The following ABCA9 variants were observed in gnomAD, a reference collection of about 807,000 sequenced individuals.
The protein encoded by ABCA9 is ATP binding cassette subfamily A member 9.
In ABCA9, 183 loss-of-function variants were observed where a neutral mutation model predicts 205.3. The ratio of observed to expected loss-of-function variants is 0.89; its 90% confidence interval spans 0.79 to 1.01. The LOEUF (loss-of-function observed/expected upper bound fraction) is 1.01, where lower values mean the gene tolerates loss of function less well. Among genes scored for constraint, ABCA9 ranks in the 50% least tolerant of loss-of-function variants. The pLI is 0.00. For missense variants in ABCA9, 1,805 were observed against 1,912.4 expected (o/e 0.94, Z 1.05); for synonymous variants, 651 against 683.3 (o/e 0.95, Z 0.74).
chr17:69,025,454 T>C (rs1359050291), intron 16 of ABCA9, among the ~76,000 whole-genome samples: 1 of 152,072 alleles, frequency 6.6e-6, no homozygotes, highest in African/African-American at 2.4e-5. Flanking sequence ...TTGACAGATA[T>C]CCTCTCTCAA....
chr17:69,035,952 C>A, intron 6 of ABCA9, 151 bp from the exon 7 acceptor site: 1 of 959,100 alleles, frequency 1.0e-6, no homozygotes, highest in Non-Finnish European at 1.5e-6. Context: ...CCCTCAGGAT[C>A]ACATAATATA....
chr17:69,037,921 C>A (rs896518092), intron 6 of ABCA9, among the ~76,000 whole-genome samples: 2 of 152,078 alleles, frequency 1.3e-5, no homozygotes, highest in Admixed American at 1.3e-4. Context: ...AAACTACCAT[C>A]GGAGAATATA....
At position 69,035,741 on chromosome 17, in the gene ABCA9, A is replaced by C; in HGVS notation, c.861T>G (p.Leu287=). 6.2e-7 allele frequency: 1 copy of C among 1,613,720 alleles called. No homozygotes were observed. Among genetic ancestry groups the C allele is most frequent in the Non-Finnish European group, 8.5e-7 (1 of 1,179,822 alleles). Residue 287 remains leucine (L), a synonymous_variant, in exon 7 of 39, where the codon CTT becomes CTG. Transcript: ENST00000340001. ...CGACAATTTGTGCAGATTTTACAATAAGAGCCATTAAAGTGGCCATGATAA... is the reference window on the plus strand; with the variant it reads ...CGACAATTTGTGCAGATTTTACAATCAGAGCCATTAAAGTGGCCATGATAA... ...FILIMATLMA[L]IVKSAQIVVL... is the part of the protein sequence containing the mutation.
chr17:68,990,952 G>T lies in ABCA9; in HGVS notation c.3722C>A (p.Ser1241Tyr). ...TGGAAAAATAGCGTTGCTTCTTGGA[G>T]AAATTCTGAAATCAAAACAGTGTGA... Reference protein sequence around the residue: ...LMRKDPVFRISPRSNAIFPNP... With the variant: ...LMRKDPVFRIYPRSNAIFPNP... Residue 1241 changes from serine to tyrosine, a missense_variant, in exon 29 of 39, where the codon TCT becomes TAT. By Grantham distance (144) the Ser-to-Tyr change is moderately radical. Coordinates refer to ENST00000340001, the MANE Select transcript of ABCA9 (RefSeq NM_080283.4). 6.2e-7 allele frequency: 1 copy of T among 1,607,834 alleles called. No homozygotes were observed. The highest frequency in any genetic ancestry group is 2.2e-5 in the East Asian group (1 of 44,838).
At chr17:68,977,556 G>A (rs1435362274) in intron 37 of ABCA9, among the ~76,000 whole-genome samples, 2 of 152,148 alleles carry the variant, frequency 1.3e-5, no homozygotes, top group South Asian at 2.1e-4. Context: ...CTTCAAATTC[G>A]AAGCAAGTCT....
At chr17:69,043,905 A>T (rs1397699819) in intron 5 of ABCA9, among the ~76,000 whole-genome samples, 190 bp from the exon 6 acceptor site, 1 of 152,198 alleles carries the variant, frequency 6.6e-6, no homozygotes, top group Non-Finnish European at 1.5e-5. Flanking sequence ...GAACATCATC[A>T]ACCTCACTGG....
intron 37 of ABCA9, among the ~76,000 whole-genome samples, chr17:68,977,713 C>T (rs1221307904): frequency 6.6e-6 from 1 of 152,088 alleles, no homozygotes; most frequent in Non-Finnish European, 1.5e-5. Flanking sequence ...CGTGCCTAGC[C>T]CATTCAATAA....
intron 29 of ABCA9, 90 bp from the exon 30 acceptor site, chr17:68,990,020 A>C: frequency 1.1e-6 from 1 of 922,580 alleles, no homozygotes; most frequent in Non-Finnish European, 1.7e-6. Flanking sequence ...CTTTCCTTAT[A>C]AAAAATCATG....
At chr17:69,070,720 C>T in the ABCA9 span, among the ~76,000 whole-genome samples, 3 of 152,164 alleles carry the variant, frequency 2.0e-5, no homozygotes, top group Non-Finnish European at 4.4e-5. Flanking sequence ...CCCAGTGGCA[C>T]CTGGAACGCC....
Position 69,026,428 on chromosome 17 carries a change from G to A in ABCA9, c.2090C>T (p.Ala697Val). The A allele has an allele frequency of 6.2e-7, 1 of 1,613,796 alleles. No individual in the cohort carries two copies. Among genetic ancestry groups the A allele is most frequent in the Non-Finnish European group, 8.5e-7 (1 of 1,179,784 alleles). The change falls in exon 16 of 39, where the codon GCA becomes GTA. Residue 697 changes from alanine (A) to valine (V), a missense_variant. Transcript: ENST00000340001. ...VFISNGKLKC[A>V]GSSLFLKKKW... ...CTTCTTAAGGAACAGAGAAGAGCCT[G>A]CACACTTCAGCTTCCCATTGGATAT...
At chr17:69,039,625 C>T (rs910061942) in intron 6 of ABCA9, among the ~76,000 whole-genome samples, 3 of 152,098 alleles carry the variant, frequency 2.0e-5, no homozygotes, top group Non-Finnish European at 4.4e-5. Flanking sequence ...CTAGGCAATA[C>T]CATTAAGATA....
intron 23 of ABCA9, among the ~76,000 whole-genome samples, chr17:69,008,469 G>C (rs1259630270): frequency 6.6e-6 from 1 of 152,206 alleles, no homozygotes; most frequent in African/African-American, 2.4e-5. Context: ...ACTAGCTAAT[G>C]TTATGTCACA....
the ABCA9 span, among the ~76,000 whole-genome samples, chr17:69,066,109 C>A: frequency 6.6e-6 from 1 of 152,150 alleles, no homozygotes; most frequent in African/African-American, 2.4e-5. Context: ...GAACTGATAC[C>A]CTTGCCCTCA....
At position 69,026,970 on chromosome 17, in the gene ABCA9, A is replaced by G. The variant is rs188343594; in HGVS notation, c.2050+6T>C. 3.6e-4 allele frequency: 578 copies of G among 1,613,726 alleles called. No individual in the cohort carries two copies. The highest frequency in any genetic ancestry group is 1.3e-3 in the Middle Eastern group (8 of 6,054). ...ATGAAGATACATAAGAGAAACAAAAAATTACCCGCCAGAATGTCAGCCTCA... is the reference window on the plus strand; with the variant it reads ...ATGAAGATACATAAGAGAAACAAAAGATTACCCGCCAGAATGTCAGCCTCA... On this transcript the variant is annotated splice_donor_region_variant and intron_variant, in intron 15 of 38. Transcript: ENST00000340001.
chr17:69,007,153 C>T (rs1419183571), intron 25 of ABCA9, among the ~76,000 whole-genome samples: 30 of 152,170 alleles, frequency 2.0e-4, no homozygotes, highest in Admixed American at 1.8e-3. Context: ...CGGTGGCTCA[C>T]GCCTGTAATC....
At position 69,029,184 on chromosome 17, in the gene ABCA9, C is replaced by T; in HGVS notation, c.1489G>A (p.Val497Ile). 1 of 1,557,472 alleles carries T rather than the reference C, an allele frequency of 6.4e-7. No homozygotes were observed. Among genetic ancestry groups the T allele is most frequent in the Non-Finnish European group, 8.8e-7 (1 of 1,141,000 alleles). The stretch of plus-strand genomic sequence containing the variant: ...ATTTTATTACCTTTCAAAGCTTCTA[C>T]TCTCTCACACTTCCCTGCATATTCT... The part of the protein sequence containing the change: ...KKEYAGKCER[V>I]EALKGVVFDI... Residue 497 changes from valine (V) to isoleucine (I), a missense_variant, in exon 11 of 39, where the codon GTA becomes ATA. Val to Ile is a conservative substitution (Grantham distance 29, BLOSUM62 3). Transcript: ENST00000340001.
upstream of ABCA9, among the ~76,000 whole-genome samples, chr17:69,064,123 G>A (rs1398206602): frequency 6.6e-6 from 1 of 152,166 alleles, no homozygotes. Flanking sequence ...GGGGATGTAA[G>A]TCCTTTGGTT....
At chr17:68,981,835 C>CAAAAAAAAA (rs398041827) in intron 37 of ABCA9, among the ~76,000 whole-genome samples, 1 of 51,650 alleles carries the variant, frequency 1.9e-5, no homozygotes, top group Non-Finnish European at 3.2e-5. Flanking sequence ...AACTCTTTCT[C>CAAAAAAAAA]AAAAAAAAAA....
chr17:69,077,924 T>C, the ABCA9 span, among the ~76,000 whole-genome samples: 2 of 151,996 alleles, frequency 1.3e-5, no homozygotes, highest in South Asian at 2.1e-4. Flanking sequence ...GGAAAATATA[T>C]AGATACACCT....
Sources: gnomAD v4.1 joint callset for allele counts (sites outside exome capture counted in the v4.1 genomes callset) on GRCh38, gnomAD v4.1.1 for gene constraint, MANE v1.5 for transcripts, NCBI Gene and HGNC (gene_info 2026-07-23, HGNC 2026-07-21) for gene names.